MARK1: variants seen among roughly 807,000 people sequenced by gnomAD.
MARK1 encodes the protein microtubule affinity regulating kinase 1.
A neutral mutation model predicts 96.3 loss-of-function variants in MARK1; 40 were observed. The observed-to-expected ratio is 0.42, with a 90% CI of 0.32 to 0.54. The LOEUF (loss-of-function observed/expected upper bound fraction) is 0.54. Among genes scored for constraint, MARK1 ranks in the 20% least tolerant of loss-of-function variants. The pLI is 0.16. For missense variants in MARK1, 719 were observed against 984.6 expected, an observed-to-expected ratio of 0.73 and a Z score of 3.61; for synonymous variants, 317 against 341.2, an observed-to-expected ratio of 0.93 and a Z score of 0.78.
intron 1 of MARK1, among the ~76,000 whole-genome samples, chr1:220,563,008 A>G (rs1053567239): frequency 1.3e-5 from 2 of 152,186 alleles, no homozygotes; most frequent in Non-Finnish European, 2.9e-5. Flanking sequence ...GCATTTAAGT[A>G]GGTAGCTTGG....
chr1:220,605,481 ATTTATTTTAT>A (rs368555141), intron 6 of MARK1, among the ~76,000 whole-genome samples: 130 of 151,314 alleles, frequency 8.6e-4, no homozygotes, highest in South Asian at 3.3e-3. Flanking sequence ...TTAAATTTTT[ATTTATTTTAT>A]TTTATTTTAT....
At chr1:220,622,395 A>G (rs1213184420) in intron 9 of MARK1, among the ~76,000 whole-genome samples, 1 of 152,224 alleles carries the variant, frequency 6.6e-6, no homozygotes, top group Non-Finnish European at 1.5e-5. Context: ...GACTTTTGAT[A>G]CTTAATTTTT....
chr1:220,605,073 CAT>C (rs74744470), intron 6 of MARK1, among the ~76,000 whole-genome samples: 38,210 of 151,818 alleles, frequency 0.25, 5,685 homozygotes, highest in East Asian at 0.45. Flanking sequence ...CTCTAAGATA[CAT>C]ATGTGTGTGT....
chr1:220,547,750 T>C (rs890496918), intron 1 of MARK1, among the ~76,000 whole-genome samples: 1 of 152,190 alleles, frequency 6.6e-6, no homozygotes, highest in Non-Finnish European at 1.5e-5. Context: ...GTATTTTTAG[T>C]AGAGACAGTG....
chr1:220,536,088 C>A (rs1660661916), intron 1 of MARK1, among the ~76,000 whole-genome samples: 1 of 151,876 alleles, frequency 6.6e-6, no homozygotes, highest in Admixed American at 6.5e-5. Context: ...ATGTAACTGA[C>A]TTTTGTATGT....
intron 3 of MARK1, among the ~76,000 whole-genome samples, chr1:220,591,421 A>G (rs1442358225): frequency 1.3e-5 from 2 of 152,226 alleles, no homozygotes; most frequent in Admixed American, 6.5e-5. Context: ...GATTATTCAT[A>G]TGACAGTGTT....
chr1:220,579,269 G>A, intron 1 of MARK1, 85 bp from the exon 2 acceptor site: 1 of 893,114 alleles, frequency 1.1e-6, no homozygotes, highest in Non-Finnish European at 1.8e-6. Flanking sequence ...TGAAGAATTG[G>A]TAATAATAAT....
intron 13 of MARK1, among the ~76,000 whole-genome samples, chr1:220,647,258 C>T (rs1216124067): frequency 2.6e-5 from 4 of 152,112 alleles, no homozygotes; most frequent in Non-Finnish European, 5.9e-5. Context: ...ACAGACATTT[C>T]TCAAAAGAAG....
intron 1 of MARK1, among the ~76,000 whole-genome samples, chr1:220,574,295 A>G (rs1214983113): frequency 6.6e-6 from 1 of 152,170 alleles, no homozygotes; most frequent in African/African-American, 2.4e-5. Context: ...ATTATCTTAC[A>G]CTTCTAACTG....
chr1:220,566,910 AAACT>A lies in MARK1; in HGVS notation c.52-12438_52-12435del, dbSNP rs1486342164. 2.6e-5 allele frequency among the ~76,000 whole-genome samples: 4 copies of A among 152,152 alleles called. No homozygotes were observed. The East Asian group carries it at 5.8e-4, about 22-fold the overall frequency. On this transcript the variant is annotated intron_variant, in intron 1 of 17. Transcript: ENST00000366917. The stretch of plus-strand genomic sequence containing the variant: ...TAACATCTGCTAAGTAACTACTTAG[AAACT>A]AACTACTTAATAGTCTTTTGTTTAA...
At chr1:220,596,346 C>G (rs1665347855) in intron 3 of MARK1, among the ~76,000 whole-genome samples, 1 of 152,118 alleles carries the variant, frequency 6.6e-6, no homozygotes, top group Non-Finnish European at 1.5e-5. Context: ...ACTGAAGACC[C>G]TGTGTACTGA....
chr1:220,560,765 C>G (rs963789022), intron 1 of MARK1, among the ~76,000 whole-genome samples: 4 of 152,126 alleles, frequency 2.6e-5, no homozygotes, highest in African/African-American at 7.2e-5. Flanking sequence ...CTGGAATTTT[C>G]AATTTAATAT....
Position 220,661,799 on chromosome 1 carries a change from C to A in MARK1, c.2034-13C>A. On this transcript the variant is annotated splice_polypyrimidine_tract_variant and intron_variant, in intron 17 of 17. Transcript: ENST00000366917. ...ATTTGCTTTCATTCTTTCCCTTTGC[C>A]CTCTTGTTCCAGAAGTACATCAGGG... is the stretch of plus-strand genomic sequence containing the variant. 1.9e-6 allele frequency: 3 copies of A among 1,567,288 alleles called. No homozygotes were observed. Among genetic ancestry groups the A allele is most frequent in the South Asian group, 2.3e-5 (2 of 86,912 alleles).
intron 1 of MARK1, among the ~76,000 whole-genome samples, chr1:220,539,798 T>G (rs1348205577): frequency 6.6e-6 from 1 of 152,116 alleles, no homozygotes; most frequent in East Asian, 1.9e-4. Flanking sequence ...TGAGAATTTT[T>G]ATATTGATAT....
intron 1 of MARK1, among the ~76,000 whole-genome samples, chr1:220,536,285 G>T (rs983402935): frequency 6.6e-6 from 1 of 151,722 alleles, no homozygotes; most frequent in Admixed American, 6.6e-5. Context: ...CTCTGCCTAG[G>T]ACTTCTAATA....
At chr1:220,649,237 T>C (rs572301013) in intron 13 of MARK1, among the ~76,000 whole-genome samples, 2 of 152,018 alleles carry the variant, frequency 1.3e-5, no homozygotes, top group Non-Finnish European at 2.9e-5. Context: ...CTTTTTTTTT[T>C]TTGGGGGACA....
At chr1:220,624,731 A>T (rs1376342322) in intron 9 of MARK1, among the ~76,000 whole-genome samples, 4 of 152,240 alleles carry the variant, frequency 2.6e-5, no homozygotes, top group African/African-American at 9.6e-5. Context: ...GTGAGCACCA[A>T]ATAAATACAA....
rs532158074 is a variant in MARK1 at position 220,589,697 on chromosome 1, A to C, written c.309+8579A>C. Among the ~76,000 whole-genome samples the C allele has an allele frequency of 1.4e-4, 21 of 152,346 alleles. No individual in the cohort carries two copies. The East Asian group carries it at 4.1e-3, about 29-fold the overall frequency. ...TAATTTCCAGCCTACAGCAAACCTG[A>C]AACAGTAAATTTGAAGGGGAATAGT... On this transcript the variant is annotated intron_variant, in intron 3 of 17. Coordinates refer to ENST00000366917, the MANE Select transcript of MARK1 (RefSeq NM_018650.5).
At chr1:220,601,922 A>T (rs1025999244) in intron 5 of MARK1, among the ~76,000 whole-genome samples, 1 of 152,164 alleles carries the variant, frequency 6.6e-6, no homozygotes, top group Non-Finnish European at 1.5e-5. Context: ...TTAAATCCTG[A>T]TTCCTGCGAT....
Sources: gnomAD v4.1 joint callset for allele counts (sites outside exome capture counted in the v4.1 genomes callset) on GRCh38, gnomAD v4.1.1 for gene constraint, MANE v1.5 for transcripts, NCBI Gene and HGNC (gene_info 2026-07-23, HGNC 2026-07-21) for gene names.